Variants in ZFYVE21 observed in about 807,000 individuals in gnomAD.
ZFYVE21 encodes zinc finger FYVE domain-containing protein 21.
A neutral mutation model predicts 29.5 loss-of-function variants in ZFYVE21; 21 were observed. The ratio of observed to expected loss-of-function variants is 0.71; its 90% CI spans 0.50 to 1.02. The LOEUF (loss-of-function observed/expected upper bound fraction) is 1.02. ZFYVE21 is among the 50% of genes least tolerant of loss of function. ZFYVE21 has a pLI of 0.00. For synonymous variants in ZFYVE21, 151 were observed against 133.8 expected (o/e 1.13, Z -0.89); for missense variants, 326 against 335.4 (o/e 0.97, Z 0.22).
At chr14:103,722,160 T>C (rs1224105826) in intron 1 of ZFYVE21, among the ~76,000 whole-genome samples, 1 of 152,210 alleles carries the variant, frequency 6.6e-6, no homozygotes, top group Admixed American at 6.5e-5. Context: ...TTACCTTATG[T>C]CTTCATCCAT....
chr14:103,732,605 G>GTC lies in ZFYVE21; in HGVS notation c.527-8_527-7dup, dbSNP rs755752635. ...GGCCTCCTTTGGGCCGTCTTACCTC[G>GTC]TCTCTCTCCTCCAGGAGGCAACGCA... On this transcript the variant is annotated splice_polypyrimidine_tract_variant and intron_variant, in intron 5 of 6. Transcript: ENST00000311141. 1 of 1,553,262 alleles carries GTC rather than the reference G, an allele frequency of 6.4e-7. No homozygotes were observed. The highest frequency in any genetic ancestry group is 2.1e-5 in the Admixed American group (1 of 46,892).
At chr14:103,728,447 C>T (rs1337207642) in intron 3 of ZFYVE21, among the ~76,000 whole-genome samples, 3 of 152,166 alleles carry the variant, frequency 2.0e-5, no homozygotes, top group East Asian at 1.9e-4. Flanking sequence ...CCTGCCTGCC[C>T]GCCGTGGGGT....
Position 103,728,913 on chromosome 14 carries a change from AC to A in ZFYVE21, c.366del (p.Phe123SerfsTer14). On this transcript the variant is annotated frameshift_variant, in exon 4 of 7. Transcript: ENST00000311141. LOFTEE classifies it high-confidence loss of function. ...KQLKVLLSGATFLVTFGNSEK... is the reference protein window; with the variant it reads ...KQLKVLLSGAXFLVTFGNSEK... The stretch of plus-strand genomic sequence containing the variant: ...TTTGCTTTTGTGTTCCCAAGGAGCC[AC>A]CTTCCTCGTCACGTTTGGAAACTCA... The A allele has an allele frequency of 6.2e-7, 1 of 1,614,034 alleles. No individual in the cohort carries two copies. Among genetic ancestry groups the A allele is most frequent in the Non-Finnish European group, 8.5e-7 (1 of 1,180,006 alleles).
chr14:103,732,390 C>T, intron 5 of ZFYVE21: 1 of 422,766 alleles, frequency 2.4e-6, no homozygotes, highest in African/African-American at 2.5e-5. Flanking sequence ...CCCTGGGGCA[C>T]CCGGCTGAGT....
chr14:103,723,082 G>A (rs1014970923), intron 1 of ZFYVE21, among the ~76,000 whole-genome samples: 2 of 152,254 alleles, frequency 1.3e-5, no homozygotes, highest in African/African-American at 4.8e-5. Flanking sequence ...GTCGGGCGCT[G>A]TGGGCCAGGG....
chr14:103,716,479 C>T lies in ZFYVE21; in HGVS notation c.138+500C>T, dbSNP rs1248659584. 6.6e-6 allele frequency among the ~76,000 whole-genome samples: 1 copy of T among 152,204 alleles called. No individual in the cohort carries two copies. The highest frequency in any genetic ancestry group is 1.5e-5 in the Non-Finnish European group (1 of 68,022). ...CCCTCCCGGGAACCGGGGGAGGCGT[C>T]GGTGCCGCGGGCGGGTGGCCGGTTC... On this transcript the variant is annotated intron_variant, in intron 1 of 6. Coordinates refer to ENST00000311141, the MANE Select transcript of ZFYVE21 (RefSeq NM_024071.4). This position sits in a 1 kb window ranked among gnomAD's most constrained non-coding sequence, Gnocchi z 4.8.
At position 103,716,901 on chromosome 14, in the gene ZFYVE21, T is replaced by TA. The variant is rs921238004; in HGVS notation, c.138+932dup. On this transcript the variant is annotated intron_variant, in intron 1 of 6. Coordinates refer to ENST00000311141, the MANE Select transcript of ZFYVE21 (RefSeq NM_024071.4). The surrounding 1 kb of genome is among the most constrained non-coding windows in gnomAD (Gnocchi z 4.8). ...TTCTGTTCTGTGGATTTTACCACGA[T>TA]AAAAAAAAAATTGGGGGAGAAAAAG... Among the ~76,000 whole-genome samples, 37 of 149,976 alleles carry TA rather than the reference T, an allele frequency of 2.5e-4. No homozygotes were observed. The highest frequency in any genetic ancestry group is 2.3e-3 in the South Asian group (11 of 4,776).
intron 1 of ZFYVE21, chr14:103,726,552 A>C: frequency 1.9e-6 from 1 of 527,222 alleles, no homozygotes; most frequent in Non-Finnish European, 3.4e-6. Context: ...CTCAGGCCCC[A>C]TGGTTACGCT....
intron 5 of ZFYVE21, 101 bp from the exon 6 acceptor site, chr14:103,732,519 C>T: frequency 7.2e-7 from 1 of 1,384,166 alleles, no homozygotes; most frequent in Non-Finnish European, 9.6e-7. Context: ...ACTCTTGGAG[C>T]AGCACAAGGT....
chr14:103,721,020 T>G (rs12433022), intron 1 of ZFYVE21, among the ~76,000 whole-genome samples: 1 of 151,814 alleles, frequency 6.6e-6, no homozygotes, highest in African/African-American at 2.4e-5. Flanking sequence ...GGGACAGGGT[T>G]GTGCTATGTT....
chr14:103,724,970 A>C (rs1231101469), intron 1 of ZFYVE21: 1 of 152,258 alleles, frequency 6.6e-6, no homozygotes, highest in Non-Finnish European at 1.5e-5. Context: ...GGCAGCACCG[A>C]GGGCCAGCTT....
In ZFYVE21 at chr14:103,732,811, G is replaced by C. The variant is rs768099138; in HGVS notation, c.669+49G>C. 3.7e-6 allele frequency: 6 copies of C among 1,602,068 alleles called. No individual in the cohort carries two copies. The South Asian group carries it at 6.6e-5, about 18-fold the overall frequency. On this transcript the variant is annotated intron_variant, in intron 6 of 6. Coordinates refer to ENST00000311141, the MANE Select transcript of ZFYVE21 (RefSeq NM_024071.4). ...GCTGGGCCCTTTGGCTTAGACAAAA[G>C]CTTGCCTTTCCCAGAGGAAGCTCTG...
At chr14:103,732,461 G>C (rs533107568) in intron 5 of ZFYVE21, 159 bp from the exon 6 acceptor site, 2 of 823,340 alleles carry the variant, frequency 2.4e-6, no homozygotes, top group Admixed American at 3.6e-5. Context: ...GGCCTGAGGA[G>C]ATGGTGTTCC....
chr14:103,718,406 A>C (rs1325324455), intron 1 of ZFYVE21, among the ~76,000 whole-genome samples: 1 of 152,212 alleles, frequency 6.6e-6, no homozygotes, highest in Non-Finnish European at 1.5e-5. Flanking sequence ...GCATGTGCAC[A>C]CATGCACCTT....
chr14:103,732,361 T>G, intron 5 of ZFYVE21: 2 of 368,262 alleles, frequency 5.4e-6, no homozygotes, highest in Admixed American at 4.5e-5. Context: ...GTGATGTGGC[T>G]CTTGTTGTTT....
intron 1 of ZFYVE21, chr14:103,725,337 T>C (rs777103834): frequency 3.3e-5 from 5 of 152,340 alleles, no homozygotes; most frequent in African/African-American, 9.6e-5. Context: ...AGGAACCCCC[T>C]GCAAGTGGTC....
chr14:103,729,522 A>G, intron 5 of ZFYVE21: 2 of 579,552 alleles, frequency 3.5e-6, no homozygotes, highest in Non-Finnish European at 6.1e-6. Context: ...GAGATCCCCA[A>G]AAAGGTCTGA....
chr14:103,720,046 G>A (rs1343866900), intron 1 of ZFYVE21, among the ~76,000 whole-genome samples: 1 of 152,178 alleles, frequency 6.6e-6, no homozygotes, highest in Non-Finnish European at 1.5e-5. Flanking sequence ...AAAACTGATA[G>A]TAACGCACGT....
rs959274151 is a variant in ZFYVE21 at position 103,730,141 on chromosome 14, G to T, written c.526+959G>T. 1.3e-5 allele frequency: 5 copies of T among 387,996 alleles called. No homozygotes were observed. The Admixed American group carries it at 1.8e-4, about 14-fold the overall frequency. 24.0% of individuals were successfully genotyped at this position (387,996 alleles called of 1,614,324 possible). ...CCTGAACAGGCTGAGGCCAGGGGGC[G>T]TGGGGGCTCACCTGCCCTTGGGAGC... On this transcript the variant is annotated intron_variant, in intron 5 of 6. Transcript: ENST00000311141.
Sources: allele counts gnomAD v4.1 joint callset (sites outside exome capture counted in the v4.1 genomes callset), GRCh38; gene constraint gnomAD v4.1.1; non-coding constraint Gnocchi (gnomAD v3.1); transcripts MANE v1.5; gene names NCBI Gene and HGNC (gene_info 2026-07-23, HGNC 2026-07-21).